The following SMIM7 variants were observed in gnomAD, a reference collection of about 807,000 sequenced individuals.
SMIM7 encodes the protein UPF0608 protein C19orf42.
In SMIM7, 12 loss-of-function variants were observed where a neutral mutation model predicts 13.3. The ratio of observed to expected loss-of-function variants is 0.90; its 90% CI spans 0.58 to 1.46. The LOEUF (loss-of-function observed/expected upper bound fraction) is 1.46, where lower values mean the gene tolerates loss of function less well. Among genes scored for constraint, SMIM7 ranks in the 40% most tolerant of loss-of-function variants. The pLI is 0.00. For synonymous variants in SMIM7, 36 were observed against 35.8 expected (o/e 1.01, Z -0.02); for missense variants, 114 against 94.8 (o/e 1.20, Z -0.84).
chr19:16,649,405 G>A lies in SMIM7; in HGVS notation c.213-2144C>T, dbSNP rs185185014. 5.5e-4 allele frequency among the ~76,000 whole-genome samples: 83 copies of A among 152,080 alleles called. No homozygotes were observed. The East Asian group carries it at 0.011, about 20-fold the overall frequency. ...AGCTTGGACAACATGGTGAAACCCCGTCTCTACTAAAAATACAAAAAATTA... is the reference window on the plus strand; with the variant it reads ...AGCTTGGACAACATGGTGAAACCCCATCTCTACTAAAAATACAAAAAATTA... On this transcript the variant is annotated intron_variant, in intron 4 of 4. Transcript: ENST00000487416.
chr19:16,652,471 G>A, intron 4 of SMIM7: 1 of 931,030 alleles, frequency 1.1e-6, no homozygotes, highest in Non-Finnish European at 1.3e-6. Flanking sequence ...CAAAGTACTG[G>A]GATTACAGGC....
chr19:16,654,276 T>C, intron 3 of SMIM7, 151 bp from the exon 4 acceptor site: 2 of 649,246 alleles, frequency 3.1e-6, no homozygotes, highest in Non-Finnish European at 5.5e-6. Context: ...TTCTCCCTCT[T>C]CCCTACCCTC....
Position 16,654,119 on chromosome 19 carries a change from T to C in SMIM7, c.128A>G (p.Asn43Ser), listed in dbSNP as rs2086565331. 2 of 1,613,836 alleles carry C rather than the reference T, an allele frequency of 1.2e-6. No individual in the cohort carries two copies. Among genetic ancestry groups the C allele is most frequent in the Admixed American group, 1.7e-5 (1 of 60,000 alleles). The change falls in exon 4 of 5, where the codon AAC becomes AGC. Residue 43 changes from asparagine (N) to serine (S), a missense_variant. By Grantham distance (46) the Asn-to-Ser change is conservative. Coordinates refer to ENST00000487416, the MANE Select transcript of SMIM7 (RefSeq NM_024104.4). ...GAGGCTCAGCAAGAATTCCCGGATG[T>C]TGTCACCTGGAAGAATCAGAAAGCA... Reference protein sequence around the residue: ...EESREPSTGDNIREFLLSLRY... With the variant: ...EESREPSTGDSIREFLLSLRY...
chr19:16,635,899 A>AAAAAAAAAAAAAAAAAAAAAAAAAT (rs1200181092), intron 4 of SMIM7, among the ~76,000 whole-genome samples: 1 of 109,582 alleles, frequency 9.1e-6, no homozygotes, highest in Non-Finnish European at 1.7e-5. Flanking sequence ...AAAAAAAAAA[A>AAAAAAAAAAAAAAAAAAAAAAAAAT]ATATATATAT....
At chr19:16,634,720 G>A (rs1156285849) in intron 4 of SMIM7, 1 of 132,150 alleles carries the variant, frequency 7.6e-6, no homozygotes, top group Non-Finnish European at 1.5e-5. Flanking sequence ...GGAGGTTGCA[G>A]TAAGCCAAGA....
chr19:16,636,779 C>A (rs1394127555), intron 4 of SMIM7, among the ~76,000 whole-genome samples: 1 of 150,710 alleles, frequency 6.6e-6, no homozygotes, highest in Non-Finnish European at 1.5e-5. Context: ...TAGTGAGACC[C>A]CATCTCTACA....
At chr19:16,636,739 C>A (rs958645049) in intron 4 of SMIM7, among the ~76,000 whole-genome samples, 1 of 152,086 alleles carries the variant, frequency 6.6e-6, no homozygotes, top group African/African-American at 2.4e-5. Flanking sequence ...ACTGCTTGAG[C>A]CTGGGAGTTC....
rs11555682 is a variant in SMIM7, at chr19:16,660,105, G to C, written c.6C>G (p.Ile2Met). M[I>M]GDILLFGTLL... ...ATTACCCGAACAGCAGGATGTCTCC[G>C]ATCATCGTTACGGCCGAAGCGTCCG... is the stretch of plus-strand genomic sequence containing the variant. The change falls in exon 1 of 5, where the codon ATC becomes ATG. Residue 2 changes from isoleucine (I) to methionine (M), a missense_variant. By Grantham distance (10) the Ile-to-Met change is conservative. Transcript: ENST00000487416. The C allele has an allele frequency of 2.5e-6, 4 of 1,614,200 alleles. No individual in the cohort carries two copies. The highest frequency in any genetic ancestry group is 1.6e-4 in the Middle Eastern group (1 of 6,062).
At chr19:16,648,554 C>T (rs868500673) in intron 4 of SMIM7, among the ~76,000 whole-genome samples, 2 of 152,200 alleles carry the variant, frequency 1.3e-5, no homozygotes, top group South Asian at 2.1e-4. Context: ...GGACTGATAA[C>T]GAGAATACAC....
intron 4 of SMIM7, among the ~76,000 whole-genome samples, chr19:16,649,573 C>CA (rs1056828150): frequency 1.3e-5 from 2 of 151,200 alleles, no homozygotes; most frequent in East Asian, 1.9e-4. Flanking sequence ...ACTCTGTCTC[C>CA]AAAAAAAAGA....
chr19:16,656,079 T>C (rs944599326), intron 3 of SMIM7, among the ~76,000 whole-genome samples: 1 of 152,150 alleles, frequency 6.6e-6, no homozygotes, highest in Admixed American at 6.6e-5. Flanking sequence ...CATCAACAGA[T>C]GCCAATCAAA....
intron 4 of SMIM7, among the ~76,000 whole-genome samples, chr19:16,635,899 A>AATATATATATATATATAT (rs1170352437): frequency 9.1e-6 from 1 of 109,600 alleles, no homozygotes; most frequent in African/African-American, 4.3e-5. Flanking sequence ...AAAAAAAAAA[A>AATATATATATATATATAT]ATATATATAT....
At chr19:16,637,527 T>C (rs887615062) in intron 4 of SMIM7, among the ~76,000 whole-genome samples, 1 of 152,130 alleles carries the variant, frequency 6.6e-6, no homozygotes, top group African/African-American at 2.4e-5. Flanking sequence ...TGTAGGCCCT[T>C]AGCCTGTACC....
intron 3 of SMIM7, chr19:16,655,407 A>G (rs1053062516): frequency 1.3e-5 from 6 of 455,582 alleles, no homozygotes; most frequent in Non-Finnish European, 2.6e-5. Flanking sequence ...TAGGCCAGGC[A>G]TGGTGGCTCA....
chr19:16,646,183 T>C lies in SMIM7; in HGVS notation c.*1063A>G, dbSNP rs1031920367. 1 of 151,934 alleles carries C rather than the reference T, an allele frequency of 6.6e-6. No individual in the cohort carries two copies. The highest frequency in any genetic ancestry group is 2.4e-5 in the African/African-American group (1 of 41,364). The allele number at this position is 151,934 out of a possible 1,614,324, so 9.4% of individuals were successfully genotyped here. A position where few individuals can be genotyped will look rare whatever the true frequency, so the allele number is the denominator to read the frequency against. On this transcript the variant is annotated 3_prime_UTR_variant, in exon 5 of 5. Coordinates refer to ENST00000487416, the MANE Select transcript of SMIM7 (RefSeq NM_024104.4). ...AAATGAGGTTTATTTTCAAGGCTAC[T>C]CAGTCCTAAAAGCCTGCATATTTAC...
At chr19:16,641,324 G>T (rs1251838982), downstream of SMIM7, 1 of 147,646 alleles carries the variant, frequency 6.8e-6, no homozygotes. Flanking sequence ...TTGAGATGGA[G>T]TTTCACTCTT....
intron 4 of SMIM7, 76 bp from the exon 5 acceptor site, chr19:16,647,337 T>A: frequency 1.3e-6 from 2 of 1,534,324 alleles, no homozygotes; most frequent in South Asian, 2.3e-5. Context: ...GCGATTATTT[T>A]ACATGACTAT....
intron 4 of SMIM7, chr19:16,652,747 C>T (rs1053726429): frequency 3.6e-5 from 52 of 1,459,258 alleles, no homozygotes; most frequent in Non-Finnish European, 4.6e-5. Context: ...ACCCCACATT[C>T]GGAGTCTCAA....
chr19:16,634,474 C>T (rs947426962), intron 4 of SMIM7: 3 of 152,218 alleles, frequency 2.0e-5, no homozygotes, highest in African/African-American at 7.2e-5. Flanking sequence ...TAGGAATCTC[C>T]CTCAAGAAAA....
Sources: allele counts gnomAD v4.1 joint callset (sites outside exome capture counted in the v4.1 genomes callset), GRCh38; gene constraint gnomAD v4.1.1; transcripts MANE v1.5; gene names NCBI Gene and HGNC (gene_info 2026-07-23, HGNC 2026-07-21).